Variants in NXPH1 observed in about 807,000 individuals in gnomAD.
The protein encoded by NXPH1 is neurexophilin 1.
In NXPH1, 5 loss-of-function variants were observed where a neutral mutation model predicts 23.7. The observed-to-expected ratio is 0.21, with a 90% confidence interval of 0.11 to 0.44. The LOEUF is 0.44. Ranked by LOEUF, NXPH1 falls within the 20% of genes least tolerant of loss-of-function variation. The pLI, the probability that NXPH1 is intolerant of heterozygous loss-of-function variation, is 0.99. For missense variants in NXPH1, 324 were observed against 321.6 expected (o/e 1.01, Z -0.06); for synonymous variants, 144 against 122.2 (o/e 1.18, Z -1.18).
chr7:8,740,125 T>C (rs1285669855), intron 2 of NXPH1, among the ~76,000 whole-genome samples: 1 of 152,238 alleles, frequency 6.6e-6, no homozygotes, highest in Admixed American at 6.5e-5. Flanking sequence ...GTGCACATTC[T>C]GAAAGCCTTA....
At chr7:8,668,574 C>T (rs1237369780) in intron 2 of NXPH1, among the ~76,000 whole-genome samples, 1 of 152,086 alleles carries the variant, frequency 6.6e-6, no homozygotes, top group East Asian at 1.9e-4. Context: ...GGGCCTGGAG[C>T]CTGTATCTGC....
intron 2 of NXPH1, among the ~76,000 whole-genome samples, chr7:8,458,142 C>T (rs898526805): frequency 3.3e-5 from 5 of 152,324 alleles, no homozygotes; most frequent in Non-Finnish European, 5.9e-5. Context: ...ATATATTCTA[C>T]GCTTCTTCCT....
chr7:8,575,423 C>T (rs895588954), intron 2 of NXPH1, among the ~76,000 whole-genome samples: 1 of 152,074 alleles, frequency 6.6e-6, no homozygotes, highest in African/African-American at 2.4e-5. Context: ...TTATATGTGA[C>T]TGTCCTAATA....
chr7:8,479,340 G>A (rs1817034063), intron 2 of NXPH1, among the ~76,000 whole-genome samples: 1 of 152,108 alleles, frequency 6.6e-6, no homozygotes, highest in Admixed American at 6.6e-5. Flanking sequence ...GAAAAGATGA[G>A]TAATTATGTG....
At chr7:8,495,000 G>A (rs1250175696) in intron 2 of NXPH1, among the ~76,000 whole-genome samples, 3 of 151,948 alleles carry the variant, frequency 2.0e-5, no homozygotes, top group Admixed American at 2.0e-4. Context: ...ATTTTTGTGA[G>A]GTTTAAAAAG....
chr7:8,611,864 T>C (rs1227427414), intron 2 of NXPH1, among the ~76,000 whole-genome samples: 4 of 152,070 alleles, frequency 2.6e-5, no homozygotes, highest in South Asian at 4.1e-4. Context: ...TAGAGTAACA[T>C]GGAGAATTGT....
At chr7:8,509,781 C>T (rs10235172) in intron 2 of NXPH1, among the ~76,000 whole-genome samples, 1 of 152,094 alleles carries the variant, frequency 6.6e-6, no homozygotes, top group Non-Finnish European at 1.5e-5. Context: ...AACACATGTT[C>T]CAACAAAAGC....
intron 2 of NXPH1, among the ~76,000 whole-genome samples, chr7:8,542,884 A>G (rs990175022): frequency 6.6e-6 from 1 of 151,626 alleles, no homozygotes; most frequent in Non-Finnish European, 1.5e-5. Context: ...ACAAATATAC[A>G]TGTACTTTGG....
chr7:8,480,458 T>C (rs925769344), intron 2 of NXPH1, among the ~76,000 whole-genome samples: 1 of 152,174 alleles, frequency 6.6e-6, no homozygotes, highest in African/African-American at 2.4e-5. Flanking sequence ...TGATTCAGAA[T>C]GGACAATTCT....
chr7:8,693,633 T>C (rs1396300126), intron 2 of NXPH1, among the ~76,000 whole-genome samples: 3 of 152,236 alleles, frequency 2.0e-5, no homozygotes, highest in Non-Finnish European at 4.4e-5. Context: ...GGTTCATTGT[T>C]TAAAATCTCA....
intron 2 of NXPH1, among the ~76,000 whole-genome samples, chr7:8,631,624 G>A (rs942405093): frequency 6.6e-6 from 1 of 151,988 alleles, no homozygotes; most frequent in Admixed American, 6.6e-5. Context: ...TGACAGCTTT[G>A]TTGATTTGTT....
chr7:8,571,202 A>G (rs1033242484), intron 2 of NXPH1, among the ~76,000 whole-genome samples: 1 of 151,848 alleles, frequency 6.6e-6, no homozygotes, highest in Non-Finnish European at 1.5e-5. Context: ...CACTGGCTTG[A>G]CAATGTCATA....
At chr7:8,647,440 A>C (rs964208546) in intron 2 of NXPH1, among the ~76,000 whole-genome samples, 6 of 152,136 alleles carry the variant, frequency 3.9e-5, no homozygotes, top group African/African-American at 1.4e-4. Flanking sequence ...TAACAGGAAG[A>C]AGACAGCCCC....
intron 2 of NXPH1, among the ~76,000 whole-genome samples, chr7:8,566,702 T>C (rs1442718363): frequency 2.0e-5 from 3 of 151,824 alleles, no homozygotes; most frequent in African/African-American, 4.8e-5. Flanking sequence ...AATTATACTA[T>C]TGGCTCCTCT....
intron 2 of NXPH1, among the ~76,000 whole-genome samples, chr7:8,613,181 T>C (rs1177754347): frequency 6.6e-6 from 1 of 151,934 alleles, no homozygotes; most frequent in Non-Finnish European, 1.5e-5. Flanking sequence ...ATTATCTCCA[T>C]TACTTTCACA....
intron 2 of NXPH1, among the ~76,000 whole-genome samples, chr7:8,716,472 T>C (rs1779880501): frequency 6.6e-6 from 1 of 152,218 alleles, no homozygotes; most frequent in African/African-American, 2.4e-5. Context: ...TTAGAAAATT[T>C]ATAACTAAAT....
intron 2 of NXPH1, among the ~76,000 whole-genome samples, chr7:8,498,674 G>C (rs1817380082): frequency 6.6e-6 from 1 of 152,010 alleles, no homozygotes; most frequent in African/African-American, 2.4e-5. Flanking sequence ...TATAGATACT[G>C]ATAATTGTGT....
At chr7:8,593,753 C>T (rs141206517) in intron 2 of NXPH1, among the ~76,000 whole-genome samples, 4 of 152,098 alleles carry the variant, frequency 2.6e-5, no homozygotes, top group Admixed American at 1.3e-4. Flanking sequence ...ACAAAACTGT[C>T]GTTAACATGT....
At chr7:8,519,422 C>A (rs1389782188) in intron 2 of NXPH1, among the ~76,000 whole-genome samples, 1 of 152,136 alleles carries the variant, frequency 6.6e-6, no homozygotes, top group East Asian at 1.9e-4. Flanking sequence ...AGTAAAATTT[C>A]CTACAGTGTT....
Sources: allele counts gnomAD v4.1 joint callset (sites outside exome capture counted in the v4.1 genomes callset), GRCh38; gene constraint gnomAD v4.1.1; transcripts MANE v1.5; gene names NCBI Gene and HGNC (gene_info 2026-07-23, HGNC 2026-07-21).